DIO1: variants seen among roughly 807,000 people sequenced by gnomAD.
The protein encoded by DIO1 is iodothyronine deiodinase 1, also known as type I iodothyronine deiodinase.
A neutral mutation model predicts 25.9 loss-of-function variants in DIO1; 17 were observed. The observed-to-expected ratio is 0.66, with a 90% CI of 0.45 to 0.98. The LOEUF (loss-of-function observed/expected upper bound fraction) is 0.98. DIO1 is among the 50% of genes least tolerant of loss of function. The pLI is 0.00. For missense variants in DIO1, 270 were observed against 310.4 expected, an observed-to-expected ratio of 0.87 and a Z score of 0.98; for synonymous variants, 115 against 114.0, an observed-to-expected ratio of 1.01 and a Z score of -0.05.
intron 1 of DIO1, among the ~76,000 whole-genome samples, chr1:53,896,997 A>G (rs1191993869): frequency 6.6e-6 from 1 of 152,250 alleles, no homozygotes; most frequent in Non-Finnish European, 1.5e-5. Flanking sequence ...AGTAAGAGCA[A>G]TGGTAATAAC....
intron 2 of DIO1, 125 bp from the exon 3 acceptor site, chr1:53,905,970 G>T: frequency 1.2e-6 from 1 of 854,488 alleles, no homozygotes; most frequent in Non-Finnish European, 1.8e-6. Context: ...AACCATAATG[G>T]GAAACCAGGC....
At position 53,894,303 on chromosome 1, in the gene DIO1, A is replaced by G; in HGVS notation, c.93A>G (p.Ile31Met). ...VHVVVGKVLL[I>M]LFPDRVKRNI... is the part of the protein sequence containing the mutation. ...TGGTCGTGGGTAAAGTGCTTCTGAT[A>G]TTGTTTCCAGACAGAGTCAAGCGGA... The change falls in exon 1 of 4, where the codon ATA becomes ATG. Residue 31 changes from isoleucine (I) to methionine (M), a missense_variant. By Grantham distance (10) the Ile-to-Met change is conservative. Coordinates refer to ENST00000361921, the MANE Select transcript of DIO1 (RefSeq NM_000792.7). This position sits in a 1 kb window ranked among gnomAD's most constrained non-coding sequence, Gnocchi z 4.9. 1 of 1,614,184 alleles carries G rather than the reference A, an allele frequency of 6.2e-7. No individual in the cohort carries two copies. Among genetic ancestry groups the G allele is most frequent in the South Asian group, 1.1e-5 (1 of 91,088 alleles).
intron 1 of DIO1, among the ~76,000 whole-genome samples, chr1:53,895,618 C>G (rs574732258): frequency 6.6e-6 from 1 of 152,292 alleles, no homozygotes; most frequent in East Asian, 1.9e-4. Context: ...TGCCAGATTG[C>G]TCTTCTCTGA....
chr1:53,908,153 C>T (rs1213596454), intron 3 of DIO1, among the ~76,000 whole-genome samples: 2 of 151,534 alleles, frequency 1.3e-5, no homozygotes, highest in African/African-American at 2.4e-5. Context: ...ACCCGGGAGG[C>T]GGAGGTTGCA....
rs1650990920 is a variant in DIO1 at position 53,894,865 on chromosome 1, T to G, written c.337+318T>G. Among the ~76,000 whole-genome samples the G allele has an allele frequency of 6.6e-6, 1 of 152,178 alleles. No homozygotes were observed. The highest frequency in any genetic ancestry group is 2.1e-4 in the South Asian group (1 of 4,822). ...CTGCCTGGTTAACTCTTGTTCAATCTTCAGACTGTTGCTCAATGACGCTTC... is the reference window on the plus strand; with the variant it reads ...CTGCCTGGTTAACTCTTGTTCAATCGTCAGACTGTTGCTCAATGACGCTTC... On this transcript the variant is annotated intron_variant, in intron 1 of 3. Transcript: ENST00000361921. This position sits in a 1 kb window ranked among gnomAD's most constrained non-coding sequence, Gnocchi z 4.9.
chr1:53,900,403 A>G (rs1557621545), intron 1 of DIO1, among the ~76,000 whole-genome samples: 1 of 152,192 alleles, frequency 6.6e-6, no homozygotes, highest in African/African-American at 2.4e-5. Flanking sequence ...CAGGAGTTCA[A>G]GACCATCCTG....
chr1:53,904,067 G>A (rs1253320582), intron 1 of DIO1, among the ~76,000 whole-genome samples: 1 of 152,108 alleles, frequency 6.6e-6, no homozygotes, highest in African/African-American at 2.4e-5. Flanking sequence ...TATTTATGAA[G>A]CACCTACTAT....
intron 2 of DIO1, among the ~76,000 whole-genome samples, chr1:53,905,176 T>C (rs1322033685): frequency 6.7e-6 from 1 of 148,260 alleles, no homozygotes; most frequent in Non-Finnish European, 1.5e-5. Context: ...TTTTTTTTTT[T>C]TTTTTTTTTT....
Position 53,904,805 on chromosome 1 carries a change from A to G in DIO1, c.477A>G (p.Ala159=). The G allele has an allele frequency of 1.9e-6, 3 of 1,611,372 alleles. No individual in the cohort carries two copies. Among genetic ancestry groups the G allele is most frequent in the Non-Finnish European group, 2.5e-6 (3 of 1,178,870 alleles). Residue 159 remains alanine, a synonymous_variant, in exon 2 of 4, where the codon GCA becomes GCG. Transcript: ENST00000361921. ...TCATTTACATTGAAGAAGCACATGC[A>G]TCAGGTACAGAAAGATTCTCTGCCT... ...FLVIYIEEAH[A]SDGWAFKNNM... is the part of the protein sequence containing the mutation.
At chr1:53,901,888 T>C (rs1438831094) in intron 1 of DIO1, among the ~76,000 whole-genome samples, 1 of 141,774 alleles carries the variant, frequency 7.1e-6, no homozygotes, top group African/African-American at 2.7e-5. Context: ...CATAACAAGA[T>C]CTCATCTCTC....
At position 53,894,507 on chromosome 1, in the gene DIO1, C is replaced by T. The variant is rs1412481046; in HGVS notation, c.297C>T (p.Arg99=). Residue 99 remains arginine, a synonymous_variant, in exon 1 of 4, where the codon CGC becomes CGT. Coordinates refer to ENST00000361921, the MANE Select transcript of DIO1 (RefSeq NM_000792.7). The surrounding 1 kb of genome is among the most constrained non-coding windows in gnomAD (Gnocchi z 4.9). ...GGLAPNCPVV[R]LSGQRCNIWE... is the part of the protein sequence containing the mutation. ...TGGCCCCAAACTGCCCGGTGGTCCGCCTCTCAGGACAGAGGTGCAACATTT... is the reference window on the plus strand; with the variant it reads ...TGGCCCCAAACTGCCCGGTGGTCCGTCTCTCAGGACAGAGGTGCAACATTT... 2.5e-6 allele frequency: 4 copies of T among 1,614,164 alleles called. No individual in the cohort carries two copies. Among genetic ancestry groups the T allele is most frequent in the Non-Finnish European group, 2.5e-6 (3 of 1,180,038 alleles).
chr1:53,896,298 T>A (rs1046868145), intron 1 of DIO1, among the ~76,000 whole-genome samples: 19 of 141,026 alleles, frequency 1.3e-4, no homozygotes, highest in Non-Finnish European at 1.4e-4. Flanking sequence ...ACTCACTGCA[T>A]CCTCGATTTA....
intron 1 of DIO1, among the ~76,000 whole-genome samples, chr1:53,900,463 G>A (rs1651300541): frequency 6.6e-6 from 1 of 152,156 alleles, no homozygotes; most frequent in Non-Finnish European, 1.5e-5. Flanking sequence ...AATTAGCCAG[G>A]CATGGTGGTG....
intron 1 of DIO1, among the ~76,000 whole-genome samples, chr1:53,904,159 C>G (rs1056340974): frequency 6.6e-6 from 1 of 152,140 alleles, no homozygotes; most frequent in African/African-American, 2.4e-5. Context: ...ATTATGCCCC[C>G]CTTGTGGATG....
At chr1:53,898,474 G>A (rs943983070) in intron 1 of DIO1, among the ~76,000 whole-genome samples, 14 of 152,162 alleles carry the variant, frequency 9.2e-5, no homozygotes, top group Non-Finnish European at 2.1e-4. Context: ...GCCGAGCATG[G>A]TGGCTCACAC....
At chr1:53,900,449 C>A (rs1002672591) in intron 1 of DIO1, among the ~76,000 whole-genome samples, 1 of 152,038 alleles carries the variant, frequency 6.6e-6, no homozygotes, top group Non-Finnish European at 1.5e-5. Context: ...ACTAAAAATA[C>A]AAAAATTAGC....
chr1:53,895,163 G>A (rs999201146), intron 1 of DIO1, among the ~76,000 whole-genome samples: 6 of 152,290 alleles, frequency 3.9e-5, no homozygotes, highest in African/African-American at 7.2e-5. Context: ...GATGGTTCAC[G>A]CCTGTAATCC....
At chr1:53,903,799 A>C (rs923547181) in intron 1 of DIO1, among the ~76,000 whole-genome samples, 3 of 151,926 alleles carry the variant, frequency 2.0e-5, no homozygotes, top group Non-Finnish European at 4.4e-5. Flanking sequence ...CAGTGAGCTG[A>C]GATCACACCA....
At chr1:53,902,540 G>C (rs1651420259) in intron 1 of DIO1, among the ~76,000 whole-genome samples, 1 of 151,758 alleles carries the variant, frequency 6.6e-6, no homozygotes, top group Non-Finnish European at 1.5e-5. Flanking sequence ...TGCCCTCAGG[G>C]GACAATGAGT....
Sources: allele counts gnomAD v4.1 joint callset (sites outside exome capture counted in the v4.1 genomes callset), GRCh38; gene constraint gnomAD v4.1.1; non-coding constraint Gnocchi (gnomAD v3.1); transcripts MANE v1.5; gene names NCBI Gene and HGNC (gene_info 2026-07-23, HGNC 2026-07-21).